The following NAALADL2 variants were observed in gnomAD, a reference collection of about 807,000 sequenced individuals.
NAALADL2 encodes inactive N-acetylated-alpha-linked acidic dipeptidase-like protein 2.
A neutral mutation model predicts 87.2 loss-of-function variants in NAALADL2; 76 were observed. The ratio of observed to expected loss-of-function variants is 0.87; its 90% CI spans 0.72 to 1.05. The LOEUF is 1.05. NAALADL2 is among the 50% of genes least tolerant of loss of function. The pLI, the probability that NAALADL2 is intolerant of heterozygous loss-of-function variation, is 0.00. For missense variants in NAALADL2, 1,089 were observed against 945.8 expected (o/e 1.15, Z -1.99); for synonymous variants, 354 against 331.0 (o/e 1.07, Z -0.75).
At chr3:174,488,470 A>G (rs906249362) in intron 1 of NAALADL2, among the ~76,000 whole-genome samples, 1 of 152,074 alleles carries the variant, frequency 6.6e-6, no homozygotes, top group Non-Finnish European at 1.5e-5. Context: ...GGTTTCAGTT[A>G]ATACTTCTTA....
chr3:175,109,738 C>T (rs1160378702), intron 2 of NAALADL2, among the ~76,000 whole-genome samples: 4 of 151,784 alleles, frequency 2.6e-5, no homozygotes, highest in African/African-American at 9.7e-5. Context: ...GTTGTCAGAG[C>T]CTGCCCCACC....
At chr3:175,258,793 C>T (rs1750522312) in intron 4 of NAALADL2, among the ~76,000 whole-genome samples, 1 of 151,764 alleles carries the variant, frequency 6.6e-6, no homozygotes, top group African/African-American at 2.4e-5. Context: ...ATCTGAGAAG[C>T]CTAAAGGTAA....
intron 11 of NAALADL2, among the ~76,000 whole-genome samples, chr3:175,704,242 G>A (rs1373532581): frequency 6.6e-6 from 1 of 152,106 alleles, no homozygotes; most frequent in Non-Finnish European, 1.5e-5. Context: ...ATTATTAGTA[G>A]AAAGTGGGGC....
At chr3:174,659,869 G>A (rs990530556) in intron 2 of NAALADL2, among the ~76,000 whole-genome samples, 1 of 152,094 alleles carries the variant, frequency 6.6e-6, no homozygotes, top group African/African-American at 2.4e-5. Context: ...TCCCACTGCA[G>A]TTAGACCCCG....
At chr3:175,068,892 C>T (rs138455106) in intron 1 of NAALADL2, among the ~76,000 whole-genome samples, 2 of 152,144 alleles carry the variant, frequency 1.3e-5, no homozygotes, top group East Asian at 3.9e-4. Context: ...TAAAATAGAT[C>T]AACCATTAAG....
intron 9 of NAALADL2, among the ~76,000 whole-genome samples, chr3:175,473,926 T>C (rs535126450): frequency 1.2e-3 from 183 of 152,316 alleles, no homozygotes; most frequent in Middle Eastern, 3.4e-3. Flanking sequence ...CACACAGTAG[T>C]GGGATTGCTG....
intron 1 of NAALADL2, among the ~76,000 whole-genome samples, chr3:175,077,849 A>G (rs1166823808): frequency 6.6e-6 from 1 of 152,108 alleles, no homozygotes; most frequent in Admixed American, 6.6e-5. Flanking sequence ...ATCTTTACCA[A>G]TGGACTACAG....
intron 1 of NAALADL2, among the ~76,000 whole-genome samples, chr3:174,468,278 T>C (rs1165902953): frequency 6.6e-6 from 1 of 152,188 alleles, no homozygotes; most frequent in Non-Finnish European, 1.5e-5. Flanking sequence ...CAGATTGTTA[T>C]GAGGAATGTG....
upstream of NAALADL2, among the ~76,000 whole-genome samples, chr3:174,855,625 CTT>C (rs538411640): frequency 4.9e-4 from 74 of 152,000 alleles, 2 homozygotes; most frequent in South Asian, 0.015. Context: ...CTTTGAGACT[CTT>C]TTATTCACCC....
chr3:174,776,956 A>G (rs751612398), intron 3 of NAALADL2, among the ~76,000 whole-genome samples: 1 of 152,152 alleles, frequency 6.6e-6, no homozygotes, highest in African/African-American at 2.4e-5. Context: ...TTGGGGTAAA[A>G]TCAATGGCAA....
At chr3:174,609,983 A>C (rs955977059) in intron 2 of NAALADL2, among the ~76,000 whole-genome samples, 2 of 152,174 alleles carry the variant, frequency 1.3e-5, no homozygotes, top group African/African-American at 4.8e-5. Context: ...TCAATGGAAC[A>C]GAACAGAGCC....
At chr3:174,840,385 A>G (rs564865220) in intron 3 of NAALADL2, among the ~76,000 whole-genome samples, 72 of 152,246 alleles carry the variant, frequency 4.7e-4, no homozygotes, top group African/African-American at 1.4e-3. Context: ...GTGCACTAGG[A>G]GTCGGAAGAT....
In NAALADL2 at chr3:174,806,519, G is replaced by A. The variant is rs546373957; in HGVS notation, c.-9+68773G>A. On this transcript the variant is annotated intron_variant, in intron 3 of 3. Transcript: ENST00000434257. Reference sequence around the variant, plus strand: ...GGACACCCAGAAGTTGAGGAAACAAGTCTTTCCTGAAGAGAAACCTAGAAG... The same window carrying A: ...GGACACCCAGAAGTTGAGGAAACAAATCTTTCCTGAAGAGAAACCTAGAAG... Among the ~76,000 whole-genome samples, 3 of 152,342 alleles carry A rather than the reference G, an allele frequency of 2.0e-5. No homozygotes were observed. In the South Asian group the frequency reaches 6.2e-4, roughly 32 times the overall value.
chr3:175,765,736 T>C (rs1380520864), intron 13 of NAALADL2, among the ~76,000 whole-genome samples: 1 of 152,112 alleles, frequency 6.6e-6, no homozygotes, highest in Admixed American at 6.5e-5. Flanking sequence ...ATTGAATAAT[T>C]AAGACTAACA....
intron 5 of NAALADL2, among the ~76,000 whole-genome samples, chr3:175,428,639 T>A (rs894063995): frequency 2.6e-5 from 4 of 152,078 alleles, no homozygotes; most frequent in Non-Finnish European, 5.9e-5. Context: ...GGCTCCTAAG[T>A]CTCAATTCTT....
At chr3:175,556,309 C>T (rs1165912651) in intron 9 of NAALADL2, among the ~76,000 whole-genome samples, 2 of 152,058 alleles carry the variant, frequency 1.3e-5, no homozygotes, top group Non-Finnish European at 2.9e-5. Context: ...CTACTACCTG[C>T]TGTTTATGAT....
At chr3:175,190,981 CAA>C (rs544760324) in intron 2 of NAALADL2, among the ~76,000 whole-genome samples, 10 of 102,048 alleles carry the variant, frequency 9.8e-5, no homozygotes, top group Admixed American at 2.1e-4. Context: ...GACTCCGTCT[CAA>C]AAAAAAAAAA....
At chr3:175,310,687 G>GA (rs1180445725) in intron 4 of NAALADL2, among the ~76,000 whole-genome samples, 5 of 150,398 alleles carry the variant, frequency 3.3e-5, no homozygotes, top group Admixed American at 2.0e-4. Context: ...CTTACTCAAT[G>GA]AAAAAAAAAT....
chr3:175,760,215 A>C (rs187507552), intron 13 of NAALADL2, among the ~76,000 whole-genome samples: 105 of 152,310 alleles, frequency 6.9e-4, no homozygotes, highest in African/African-American at 2.4e-3. Context: ...AACAGGATTG[A>C]GTACTGGAAA....
Sources: allele counts gnomAD v4.1 joint callset (sites outside exome capture counted in the v4.1 genomes callset), GRCh38; gene constraint gnomAD v4.1.1; transcripts MANE v1.5; gene names NCBI Gene and HGNC (gene_info 2026-07-23, HGNC 2026-07-21).